RBFOX1: variants seen among roughly 807,000 people sequenced by gnomAD.
The protein encoded by RBFOX1 is RNA binding fox-1 homolog 1.
Under a neutral mutation model 57.7 loss-of-function variants are expected in RBFOX1, and 8 were observed. That is an observed-to-expected ratio of 0.14 (90% CI 0.08 to 0.25). The LOEUF (loss-of-function observed/expected upper bound fraction) is 0.25. Among genes scored for constraint, RBFOX1 ranks in the 10% least tolerant of loss-of-function variants. RBFOX1 has a pLI of 1.00. For synonymous variants in RBFOX1, 326 were observed against 222.4 expected (o/e 1.47, Z -4.15); for missense variants, 611 against 548.5 (o/e 1.11, Z -1.14).
intron 14 of RBFOX1, among the ~76,000 whole-genome samples, chr16:7,694,583 G>A (rs551772913): frequency 6.6e-6 from 1 of 152,278 alleles, no homozygotes; most frequent in Non-Finnish European, 1.5e-5. Context: ...AAACCTCTTT[G>A]CTGATGGTCC....
At chr16:6,670,240 T>C (rs1443717348) in intron 3 of RBFOX1, among the ~76,000 whole-genome samples, 3 of 152,158 alleles carry the variant, frequency 2.0e-5, no homozygotes, top group African/African-American at 7.2e-5. Context: ...TGTTTTTTTT[T>C]TTAATTTTTG....
At chr16:7,564,540 C>CAAAA (rs5815409) in intron 5 of RBFOX1, among the ~76,000 whole-genome samples, 1,847 of 82,264 alleles carry the variant, frequency 0.022, 326 homozygotes, top group African/African-American at 0.045. Flanking sequence ...GACTCCATCT[C>CAAAA]AAAAAAAAAA....
At position 7,608,185 on chromosome 16, in the gene RBFOX1, A is replaced by G. The variant is rs182025478; in HGVS notation, c.676+847A>G. ...AGAAATAAATAATCCGTTGACCTAG[A>G]GCCACTCCCTTAGTAACCTCTTGAC... is the stretch of plus-strand genomic sequence containing the variant. On this transcript the variant is annotated intron_variant, in intron 10 of 15. Transcript: ENST00000550418. Among the ~76,000 whole-genome samples the G allele has an allele frequency of 4.4e-3, 674 of 152,262 alleles. 5 individuals are homozygous for G. The highest frequency in any genetic ancestry group is 0.015 in the African/African-American group (638 of 41,546).
At chr16:5,726,059 T>C (rs938811836) in intron 3 of RBFOX1, among the ~76,000 whole-genome samples, 11 of 152,090 alleles carry the variant, frequency 7.2e-5, no homozygotes, top group Admixed American at 1.3e-4. Flanking sequence ...CTACTTCCTT[T>C]TTCTTTTCTC....
chr16:5,337,616 G>T (rs932219421), intron 1 of RBFOX1, among the ~76,000 whole-genome samples: 2 of 152,154 alleles, frequency 1.3e-5, no homozygotes, highest in Admixed American at 6.5e-5. Context: ...TGAATGTTTG[G>T]TTTGGAAACT....
chr16:5,610,715 A>G (rs1039126747), intron 3 of RBFOX1: 6 of 152,020 alleles, frequency 3.9e-5, no homozygotes, highest in African/African-American at 1.4e-4. Flanking sequence ...TTTTAAAATT[A>G]AAAATTTAAT....
At chr16:5,343,564 A>G (rs1268047590) in intron 1 of RBFOX1, among the ~76,000 whole-genome samples, 2 of 151,476 alleles carry the variant, frequency 1.3e-5, no homozygotes, top group Non-Finnish European at 2.9e-5. Flanking sequence ...CTCGTGATCT[A>G]CCTGCCTTGG....
chr16:5,585,131 A>G (rs1470165438), intron 2 of RBFOX1, among the ~76,000 whole-genome samples: 11 of 152,188 alleles, frequency 7.2e-5, no homozygotes, highest in East Asian at 1.9e-4. Flanking sequence ...AATCTCCCCA[A>G]AATAAAACCC....
chr16:6,478,224 CTTTTT>C (rs540210936), intron 2 of RBFOX1, among the ~76,000 whole-genome samples: 1 of 132,362 alleles, frequency 7.6e-6, no homozygotes, highest in African/African-American at 2.8e-5. Context: ...CCTGTCCCAG[CTTTTT>C]TTTTTTTTTT....
chr16:7,223,459 C>T (rs144856905), intron 4 of RBFOX1, among the ~76,000 whole-genome samples: 11 of 152,222 alleles, frequency 7.2e-5, no homozygotes, highest in African/African-American at 2.6e-4. Flanking sequence ...GACAAATTCG[C>T]ATTGGTAATG....
intron 5 of RBFOX1, among the ~76,000 whole-genome samples, chr16:7,544,284 C>G (rs2083799462): frequency 6.6e-6 from 1 of 152,136 alleles, no homozygotes; most frequent in African/African-American, 2.4e-5. Context: ...CATTGTGTGT[C>G]TGATTACTTA....
In RBFOX1 at chr16:7,207,245, G is replaced by A. The variant is rs531796161; in HGVS notation, c.27+155147G>A. Reference sequence around the variant, plus strand: ...ATGTATATGGCATCATTGGCCGGGCGTTATGGGGGTTCCTCTGGTCACGTT... The same window carrying A: ...ATGTATATGGCATCATTGGCCGGGCATTATGGGGGTTCCTCTGGTCACGTT... On this transcript the variant is annotated intron_variant, in intron 4 of 15. Coordinates refer to ENST00000550418, the MANE Select transcript of RBFOX1 (RefSeq NM_018723.4). 6.9e-4 allele frequency among the ~76,000 whole-genome samples: 105 copies of A among 152,262 alleles called. 1 individual carries two copies. In the Middle Eastern group the frequency reaches 0.017, roughly 25 times the overall value.
At chr16:5,332,009 A>G (rs1021714188) in intron 1 of RBFOX1, among the ~76,000 whole-genome samples, 1 of 152,232 alleles carries the variant, frequency 6.6e-6, no homozygotes, top group African/African-American at 2.4e-5. Context: ...CTCTGATTGT[A>G]AAATAAAGCC....
chr16:6,607,935 A>T (rs551187379), intron 2 of RBFOX1, among the ~76,000 whole-genome samples: 4 of 152,300 alleles, frequency 2.6e-5, no homozygotes, highest in Admixed American at 1.3e-4. Flanking sequence ...AATATATACA[A>T]ACTTGGAAAC....
In RBFOX1 at chr16:7,219,369, G is replaced by C. The variant is rs185718842; in HGVS notation, c.27+167271G>C. The stretch of plus-strand genomic sequence containing the variant: ...GCTGAATAAGTCAGAAAGGAGTGTT[G>C]GGTAAACACTGCCAACTCTTTGCAC... On this transcript the variant is annotated intron_variant, in intron 4 of 15. Coordinates refer to ENST00000550418, the MANE Select transcript of RBFOX1 (RefSeq NM_018723.4). 3.9e-5 allele frequency among the ~76,000 whole-genome samples: 6 copies of C among 152,262 alleles called. No homozygotes were observed. The East Asian group carries it at 9.7e-4, about 25-fold the overall frequency.
intron 4 of RBFOX1, among the ~76,000 whole-genome samples, chr16:5,920,020 G>C (rs191939693): frequency 0.016 from 2,439 of 152,134 alleles, 57 homozygotes; most frequent in African/African-American, 0.055. Flanking sequence ...TGCAAGCTCC[G>C]CCTCCGGGCT....
At chr16:6,170,179 T>A (rs1384131678) in intron 1 of RBFOX1, among the ~76,000 whole-genome samples, 1 of 152,168 alleles carries the variant, frequency 6.6e-6, no homozygotes, top group Admixed American at 6.5e-5. Flanking sequence ...GGCTATGGCA[T>A]GAGGAAGGGT....
chr16:6,168,800 G>A (rs1021406971), intron 1 of RBFOX1, among the ~76,000 whole-genome samples: 2 of 151,470 alleles, frequency 1.3e-5, no homozygotes, highest in Admixed American at 1.3e-4. Flanking sequence ...CATTTTCACT[G>A]GTTCTTTCAC....
intron 2 of RBFOX1, among the ~76,000 whole-genome samples, chr16:6,598,618 C>T (rs2097803330): frequency 6.6e-6 from 1 of 151,510 alleles, no homozygotes; most frequent in South Asian, 2.1e-4. Flanking sequence ...ATATGATAAA[C>T]AGTATTATGT....
Sources: gnomAD v4.1 joint callset for allele counts (sites outside exome capture counted in the v4.1 genomes callset) on GRCh38, gnomAD v4.1.1 for gene constraint, MANE v1.5 for transcripts, NCBI Gene and HGNC (gene_info 2026-07-23, HGNC 2026-07-21) for gene names.